Variants in PARD3B observed in about 807,000 individuals in gnomAD.
PARD3B encodes par-3 family cell polarity regulator beta.
Under a neutral mutation model 130.2 loss-of-function variants are expected in PARD3B, and 103 were observed. That is an observed-to-expected ratio of 0.79 (90% CI 0.67 to 0.93). The LOEUF (loss-of-function observed/expected upper bound fraction) is 0.93. PARD3B is among the 40% of genes least tolerant of loss of function. PARD3B has a pLI of 0.00. For synonymous variants in PARD3B, 583 were observed against 553.2 expected (o/e 1.05, Z -0.76); for missense variants, 1,609 against 1,499.2 (o/e 1.07, Z -1.21).
At chr2:205,524,051 TGAA>T (rs2051222415) in intron 21 of PARD3B, among the ~76,000 whole-genome samples, 2 of 152,138 alleles carry the variant, frequency 1.3e-5, no homozygotes, top group African/African-American at 2.4e-5. Flanking sequence ...TTAATATTGA[TGAA>T]GGAGAAATCT....
chr2:205,027,424 A>G (rs1464568904), intron 3 of PARD3B, among the ~76,000 whole-genome samples: 5 of 152,108 alleles, frequency 3.3e-5, no homozygotes, highest in Admixed American at 2.6e-4. Flanking sequence ...GTTTTTTGAT[A>G]TTGAGCTGCT....
At chr2:205,164,625 A>G (rs975933966) in intron 11 of PARD3B, among the ~76,000 whole-genome samples, 6 of 152,066 alleles carry the variant, frequency 3.9e-5, no homozygotes, top group Admixed American at 3.9e-4. Flanking sequence ...CAACATTTTG[A>G]TGTGTATTTT....
At chr2:205,469,864 G>A (rs1402289685) in intron 20 of PARD3B, among the ~76,000 whole-genome samples, 1 of 152,212 alleles carries the variant, frequency 6.6e-6, no homozygotes. Flanking sequence ...AGACACATCT[G>A]CCATTGTCTA....
Position 204,943,221 on chromosome 2 carries a change from T to C in PARD3B, c.223-21931T>C, listed in dbSNP as rs189438083. On this transcript the variant is annotated intron_variant, in intron 2 of 22. Transcript: ENST00000406610. The surrounding 1 kb of genome is among the most constrained non-coding windows in gnomAD (Gnocchi z 4.2). Reference sequence around the variant, plus strand: ...GTATATATATATAATATGTTAATTTTCATAGATCCAAACAGTTTCTCTCTG... The same window carrying C: ...GTATATATATATAATATGTTAATTTCCATAGATCCAAACAGTTTCTCTCTG... Among the ~76,000 whole-genome samples, 164 of 152,170 alleles carry C rather than the reference T, an allele frequency of 1.1e-3. 6 individuals are homozygous for C. The highest frequency in any genetic ancestry group is 0.011 in the Admixed American group (163 of 15,278).
intron 21 of PARD3B, among the ~76,000 whole-genome samples, chr2:205,544,076 G>T (rs748119740): frequency 5.9e-5 from 9 of 152,080 alleles, no homozygotes; most frequent in Non-Finnish European, 1.2e-4. Context: ...AAACAAAACA[G>T]CAAGGAGTAA....
chr2:204,744,581 G>A (rs752347147), intron 2 of PARD3B, among the ~76,000 whole-genome samples: 3 of 152,132 alleles, frequency 2.0e-5, no homozygotes, highest in Non-Finnish European at 4.4e-5. Context: ...CAAGATCTAA[G>A]AGGAGTCAGA....
intron 1 of PARD3B, among the ~76,000 whole-genome samples, chr2:204,667,354 T>A (rs901560100): frequency 6.6e-6 from 1 of 151,658 alleles, no homozygotes; most frequent in Non-Finnish European, 1.5e-5. Flanking sequence ...TTACCTTAAA[T>A]ATTTTTTTTT....
chr2:204,739,155 T>A (rs1421680241), intron 2 of PARD3B, among the ~76,000 whole-genome samples: 1 of 152,188 alleles, frequency 6.6e-6, no homozygotes, highest in African/African-American at 2.4e-5. Context: ...TTGTATGTGT[T>A]ACTTCACTGT....
At chr2:205,023,353 C>A (rs1696766592) in intron 3 of PARD3B, among the ~76,000 whole-genome samples, 1 of 151,872 alleles carries the variant, frequency 6.6e-6, no homozygotes, top group African/African-American at 2.4e-5. Context: ...AGGTCCCCAC[C>A]TTTGGCCTTC....
intron 2 of PARD3B, among the ~76,000 whole-genome samples, chr2:204,743,760 C>A (rs1358781287): frequency 6.6e-6 from 1 of 152,068 alleles, no homozygotes; most frequent in African/African-American, 2.4e-5. Flanking sequence ...TGTCACTACT[C>A]AGATATCCTC....
chr2:204,619,723 T>C (rs1248755808), intron 1 of PARD3B, among the ~76,000 whole-genome samples: 3 of 152,190 alleles, frequency 2.0e-5, no homozygotes, highest in Admixed American at 2.0e-4. Flanking sequence ...AAGCAAGAGT[T>C]AGAAGACAAA....
intron 4 of PARD3B, among the ~76,000 whole-genome samples, chr2:205,063,915 G>A (rs575768803): frequency 1.4e-5 from 2 of 145,792 alleles, no homozygotes; most frequent in East Asian, 4.3e-4. Flanking sequence ...GATACAAGTA[G>A]AGATGCTTGG....
rs1208988532 is a variant in PARD3B, at chr2:205,341,185, G to A, written c.2630+39484G>A. 6.6e-6 allele frequency among the ~76,000 whole-genome samples: 1 copy of A among 152,078 alleles called. No individual in the cohort carries two copies. Among genetic ancestry groups the A allele is most frequent in the Non-Finnish European group, 1.5e-5 (1 of 67,990 alleles). On this transcript the variant is annotated intron_variant, in intron 18 of 22. Coordinates refer to ENST00000406610, the MANE Select transcript of PARD3B (RefSeq NM_001302769.2). The surrounding 1 kb of genome is among the most constrained non-coding windows in gnomAD (Gnocchi z 4.3). ...GAACCATTATGGGAAACAGTATAGT[G>A]GTTTAAAATCTATATTAAAATTAGG...
At chr2:205,052,438 TATATATATATATAA>T (rs1263893773) in intron 4 of PARD3B, among the ~76,000 whole-genome samples, 14,083 of 55,308 alleles carry the variant, frequency 0.25, 887 homozygotes, top group Admixed American at 0.28. Context: ...TATATATATA[TATATATATATATAA>T]AATTAAAAAA....
At chr2:204,602,514 TTCCTAA>T (rs1559179015) in intron 1 of PARD3B, among the ~76,000 whole-genome samples, 1 of 152,072 alleles carries the variant, frequency 6.6e-6, no homozygotes, top group Non-Finnish European at 1.5e-5. Context: ...ACACACACCA[TTCCTAA>T]TCTGTGGTTA....
At chr2:204,604,239 A>G (rs2033623244) in intron 1 of PARD3B, among the ~76,000 whole-genome samples, 1 of 152,162 alleles carries the variant, frequency 6.6e-6, no homozygotes, top group African/African-American at 2.4e-5. Context: ...ACCACTGAGA[A>G]TTGGACAGTG....
At chr2:205,144,761 A>G (rs2033223241) in intron 10 of PARD3B, among the ~76,000 whole-genome samples, 1 of 152,168 alleles carries the variant, frequency 6.6e-6, no homozygotes, top group Non-Finnish European at 1.5e-5. Context: ...CTCTACTTGG[A>G]ATTTCGAATT....
intron 2 of PARD3B, among the ~76,000 whole-genome samples, chr2:204,688,499 C>T (rs2125248065): frequency 6.7e-6 from 1 of 148,390 alleles, no homozygotes; most frequent in Admixed American, 6.8e-5. Flanking sequence ...AGAATCAATT[C>T]AACCCAGGAG....
intron 2 of PARD3B, among the ~76,000 whole-genome samples, chr2:204,898,114 C>T (rs1425615119): frequency 7.4e-5 from 11 of 148,226 alleles, no homozygotes; most frequent in Admixed American, 3.3e-4. Context: ...TATATTTTAC[C>T]ATAATAAAAA....
Sources: allele counts gnomAD v4.1 joint callset (sites outside exome capture counted in the v4.1 genomes callset), GRCh38; gene constraint gnomAD v4.1.1; non-coding constraint Gnocchi (gnomAD v3.1); transcripts MANE v1.5; gene names NCBI Gene and HGNC (gene_info 2026-07-23, HGNC 2026-07-21).